PCNX1: variants seen among roughly 807,000 people sequenced by gnomAD.
The protein encoded by PCNX1 is pecanex 1, also known as pecanex-like protein 1.
Under a neutral mutation model 242.2 loss-of-function variants are expected in PCNX1, and 78 were observed. The observed-to-expected ratio is 0.32, with a 90% CI of 0.27 to 0.39. The LOEUF is 0.39. PCNX1 is among the 10% of genes least tolerant of loss of function. PCNX1 has a pLI of 1.00. For missense variants in PCNX1, 2,581 were observed against 2,856.5 expected (o/e 0.90, Z 2.20); for synonymous variants, 1,024 against 1,032.9 (o/e 0.99, Z 0.17).
intron 6 of PCNX1, 75 bp from the exon 7 acceptor site, chr14:70,988,492 A>G (rs527626613): frequency 1.2e-4 from 184 of 1,527,738 alleles, no homozygotes; most frequent in Non-Finnish European, 1.6e-4. Context: ...TGGGAAGTCA[A>G]GGGAAAGCCA....
intron 1 of PCNX1, among the ~76,000 whole-genome samples, chr14:70,937,483 A>G (rs1175607866): frequency 1.3e-5 from 2 of 152,110 alleles, no homozygotes; most frequent in Non-Finnish European, 2.9e-5. Flanking sequence ...GTTCTGTTCC[A>G]TCGGTCTATA....
chr14:70,908,120 C>G (rs945156172), intron 1 of PCNX1, 117 bp downstream of exon 1: 89 of 924,250 alleles, frequency 9.6e-5, no homozygotes, highest in Non-Finnish European at 1.3e-4. Flanking sequence ...GCCACCCTCT[C>G]GGTGTGAGGC....
chr14:71,085,306 C>T (rs763950049), intron 28 of PCNX1, among the ~76,000 whole-genome samples: 2 of 152,154 alleles, frequency 1.3e-5, no homozygotes, highest in Non-Finnish European at 1.5e-5. Flanking sequence ...TGCCAGCCAC[C>T]TGTTTCTTGT....
At chr14:70,998,743 C>G (rs1374647235) in intron 8 of PCNX1, among the ~76,000 whole-genome samples, 2 of 130,056 alleles carry the variant, frequency 1.5e-5, no homozygotes, top group Non-Finnish European at 3.2e-5. Context: ...AGAGTGAGAC[C>G]CTATCTCAAA....
At chr14:71,105,060 A>C (rs1329666614) in intron 32 of PCNX1, among the ~76,000 whole-genome samples, 175 bp from the exon 33 acceptor site, 1 of 152,272 alleles carries the variant, frequency 6.6e-6, no homozygotes, top group Non-Finnish European at 1.5e-5. Flanking sequence ...ATAGTTCTTA[A>C]GCCACTCTTT....
intron 23 of PCNX1, among the ~76,000 whole-genome samples, 179 bp downstream of exon 23, chr14:71,050,939 C>T (rs537558228): frequency 3.0e-4 from 46 of 152,078 alleles, no homozygotes; most frequent in South Asian, 1.2e-3. Context: ...GAGGCCGAGG[C>T]GGGCGGATCA....
intron 1 of PCNX1, among the ~76,000 whole-genome samples, chr14:70,918,884 GTTT>G (rs33959914): frequency 5.7e-5 from 8 of 140,506 alleles, no homozygotes; most frequent in African/African-American, 7.9e-5. Flanking sequence ...TGGTTTTTTG[GTTT>G]TTTTTTTTTT....
At chr14:71,084,915 C>T (rs570057874) in intron 28 of PCNX1, among the ~76,000 whole-genome samples, 3 of 152,152 alleles carry the variant, frequency 2.0e-5, no homozygotes, top group African/African-American at 7.2e-5. Flanking sequence ...GCAGTTAGCT[C>T]GGTGTCTGCC....
intron 8 of PCNX1, among the ~76,000 whole-genome samples, chr14:71,001,652 TG>T (rs544449619): frequency 2.6e-4 from 39 of 152,372 alleles, no homozygotes; most frequent in African/African-American, 8.4e-4. Flanking sequence ...CTAGATTATC[TG>T]CTTTCTAACA....
intron 6 of PCNX1, 54 bp from the exon 7 acceptor site, chr14:70,988,513 C>T (rs1033173908): frequency 4.4e-6 from 7 of 1,580,996 alleles, no homozygotes; most frequent in Non-Finnish European, 6.1e-6. Context: ...GGCTCAGCTG[C>T]TATTTACATC....
chr14:70,917,073 T>G (rs916698084), intron 1 of PCNX1, among the ~76,000 whole-genome samples: 7 of 152,196 alleles, frequency 4.6e-5, no homozygotes, highest in African/African-American at 1.4e-4. Context: ...AGTTGTGTCA[T>G]GAGATTACAG....
intron 1 of PCNX1, among the ~76,000 whole-genome samples, chr14:70,915,557 G>T (rs2056121096): frequency 6.6e-6 from 1 of 152,110 alleles, no homozygotes; most frequent in Admixed American, 6.6e-5. Context: ...GTGTTTCCAT[G>T]GGTTGGGGGT....
intron 5 of PCNX1, among the ~76,000 whole-genome samples, chr14:70,976,372 C>CTTTTTTTTTT (rs869087088): frequency 1.2e-5 from 1 of 82,692 alleles, no homozygotes; most frequent in Non-Finnish European, 2.6e-5. Context: ...TTCTTTCTTT[C>CTTTTTTTTTT]TTTTTTTTTT....
At chr14:71,038,363 C>CA (rs1387983986) in intron 19 of PCNX1, among the ~76,000 whole-genome samples, 5 of 134,602 alleles carry the variant, frequency 3.7e-5, no homozygotes, top group Non-Finnish European at 8.0e-5. Flanking sequence ...ACAATGAACT[C>CA]AAACAAATTT....
At chr14:71,066,170 G>C (rs932452812) in intron 26 of PCNX1, among the ~76,000 whole-genome samples, 15 of 152,242 alleles carry the variant, frequency 9.9e-5, no homozygotes, top group African/African-American at 3.1e-4. Flanking sequence ...GCAGCTTGAT[G>C]GGGATAGCAT....
At chr14:70,916,869 A>G (rs1044239908) in intron 1 of PCNX1, among the ~76,000 whole-genome samples, 2 of 152,222 alleles carry the variant, frequency 1.3e-5, no homozygotes, top group Non-Finnish European at 2.9e-5. Context: ...CGTTTTACCC[A>G]CAGTAAAACT....
At position 70,964,066 on chromosome 14, in the gene PCNX1, A is replaced by G. The variant is rs368622094; in HGVS notation, c.468+1735A>G. On this transcript the variant is annotated intron_variant, in intron 3 of 35. Transcript: ENST00000304743. ...AAAAGAGCTATGACATATTAATTAGATTGATACTTTTTTTTTCTGAGATAG... is the reference window on the plus strand; with the variant it reads ...AAAAGAGCTATGACATATTAATTAGGTTGATACTTTTTTTTTCTGAGATAG... Among the ~76,000 whole-genome samples, 29 of 152,138 alleles carry G rather than the reference A, an allele frequency of 1.9e-4. 1 individual carries two copies. In the East Asian group the frequency reaches 3.9e-3, roughly 20 times the overall value.
At chr14:71,104,651 C>T (rs1463329223) in intron 32 of PCNX1, among the ~76,000 whole-genome samples, 3 of 152,050 alleles carry the variant, frequency 2.0e-5, no homozygotes, top group African/African-American at 7.2e-5. Context: ...TTTCCAGGCC[C>T]GGCGCTGTGG....
At chr14:70,916,803 CAATT>C (rs1369596841) in intron 1 of PCNX1, among the ~76,000 whole-genome samples, 1 of 152,168 alleles carries the variant, frequency 6.6e-6, no homozygotes, top group Non-Finnish European at 1.5e-5. Context: ...TTTGCAGCAT[CAATT>C]GACTCTTCTT....
Sources: gnomAD v4.1 joint callset for allele counts (sites outside exome capture counted in the v4.1 genomes callset) on GRCh38, gnomAD v4.1.1 for gene constraint, MANE v1.5 for transcripts, NCBI Gene and HGNC (gene_info 2026-07-23, HGNC 2026-07-21) for gene names.